Variants in CCDC80 observed in about 807,000 individuals in gnomAD.
CCDC80 encodes coiled-coil domain containing 80.
CCDC80 carries 49 observed loss-of-function variants against 78.7 expected under a neutral mutation model. That is an observed-to-expected ratio of 0.62 (90% confidence interval 0.50 to 0.79). The LOEUF (loss-of-function observed/expected upper bound fraction) is 0.79, where lower values mean the gene tolerates loss of function less well. Among genes scored for constraint, CCDC80 ranks in the 30% least tolerant of loss-of-function variants. The probability of loss-of-function intolerance (pLI) is 0.00; values close to 1 mark genes in which losing one functional copy is unlikely to be tolerated. For synonymous variants in CCDC80, 488 were observed against 447.0 expected (o/e 1.09, Z -1.16); for missense variants, 1,205 against 1,198.6 (o/e 1.01, Z -0.08).
chr3:112,619,227 C>T (rs977788189), intron 3 of CCDC80, 123 bp from the exon 4 acceptor site: 2 of 876,508 alleles, frequency 2.3e-6, no homozygotes, highest in East Asian at 3.2e-5. Flanking sequence ...ATTCAACTCA[C>T]GTTGTGTTTG....
intron 3 of CCDC80, among the ~76,000 whole-genome samples, chr3:112,627,252 C>A (rs1258258170): frequency 1.3e-5 from 2 of 152,152 alleles, no homozygotes; most frequent in Admixed American, 6.6e-5. Context: ...CCTAGACTGA[C>A]ATTTTAGATA....
rs142765055 is a variant in CCDC80, at chr3:112,638,067, G to A, written c.1839C>T (p.Ala613=). The change falls in exon 2 of 8, where the codon GCC becomes GCT. Residue 613 remains alanine (A), a synonymous_variant. Transcript: ENST00000206423. ...TGCCTTCAAAGGACCCCAGCAGGTC[G>A]GCCACTGACTTCTTGGGACTCTGCG... ...HFTQSPKKSV[A]DLLGSFEGKR... 2.8e-5 allele frequency: 45 copies of A among 1,609,416 alleles called. No homozygotes were observed. Among genetic ancestry groups the A allele is most frequent in the African/African-American group, 5.4e-5 (4 of 74,474 alleles).
chr3:112,605,736 A>ACGTCTTCT lies in CCDC80; in HGVS notation c.2526_2533dup (p.Val845GlufsTer9). On this transcript the variant is annotated frameshift_variant, in exon 8 of 8. Coordinates refer to ENST00000206423, the MANE Select transcript of CCDC80 (RefSeq NM_199511.3). LOFTEE classifies it high-confidence loss of function. Reference sequence around the variant, plus strand: ...AATGTCTTTCACCAAATGGGCTGGTACGTCTTCTCGCTCAACAACAGAGCT... The same window carrying ACGTCTTCT: ...AATGTCTTTCACCAAATGGGCTGGTACGTCTTCTCGTCTTCTCGCTCAACAACAGAGCT... The ACGTCTTCT allele has an allele frequency of 6.2e-7, 1 of 1,614,008 alleles. No homozygotes were observed. Among genetic ancestry groups the ACGTCTTCT allele is most frequent in the African/African-American group, 1.3e-5 (1 of 74,936 alleles).
intron 5 of CCDC80, among the ~76,000 whole-genome samples, chr3:112,615,358 T>C (rs1935712453): frequency 6.6e-6 from 1 of 152,150 alleles, no homozygotes; most frequent in Non-Finnish European, 1.5e-5. Flanking sequence ...TATTACATGC[T>C]TGCTTGGTTT....
Position 112,609,963 on chromosome 3 carries a change from T to A in CCDC80, c.2425+15A>T. 2 of 1,586,644 alleles carry A rather than the reference T, an allele frequency of 1.3e-6. No homozygotes were observed. The highest frequency in any genetic ancestry group is 2.2e-5 in the South Asian group (2 of 89,928). ...GTGGTATGGGAAAGCAGTAATGAGG[T>A]GGCTTCCCACTCACCAAAATTGCAC... On this transcript the variant is annotated intron_variant, in intron 6 of 7. Transcript: ENST00000206423.
At chr3:112,605,796 G>GAT (rs749294976) in intron 7 of CCDC80, 33 bp from the exon 8 acceptor site, 1 of 1,548,970 alleles carries the variant, frequency 6.5e-7, no homozygotes, top group South Asian at 1.2e-5. Flanking sequence ...ATTGTTAGTA[G>GAT]ATTAAACAGT....
chr3:112,605,434 G>A lies in CCDC80; in HGVS notation c.2836C>T (p.His946Tyr). 6.2e-7 allele frequency: 1 copy of A among 1,612,668 alleles called. No homozygotes were observed. The highest frequency in any genetic ancestry group is 8.5e-7 in the Non-Finnish European group (1 of 1,178,850). The change falls in exon 8 of 8, where the codon CAT (histidine) becomes TAT (tyrosine). Residue 946 changes from histidine (H) to tyrosine (Y), a missense_variant. Coordinates refer to ENST00000206423, the MANE Select transcript of CCDC80 (RefSeq NM_199511.3). ...DDYRHHESYH[H>Y]GYPY is the part of the protein sequence containing the mutation. Reference sequence around the variant, plus strand: ...ATTTCTGCTCAGTAAGGGTATCCATGGTGATAACTCTCATGATGACGGTAG... The same window carrying A: ...ATTTCTGCTCAGTAAGGGTATCCATAGTGATAACTCTCATGATGACGGTAG...
At chr3:112,622,758 T>C (rs371677941) in intron 3 of CCDC80, among the ~76,000 whole-genome samples, 8 of 151,724 alleles carry the variant, frequency 5.3e-5, no homozygotes, top group African/African-American at 1.9e-4. Context: ...GCGGTTCAAG[T>C]GATCCTTCCA....
At position 112,640,955 on chromosome 3, in the gene CCDC80, T is replaced by C. The variant is rs989371959; in HGVS notation, c.-640A>G. 6.6e-6 allele frequency: 1 copy of C among 152,202 alleles called. No individual in the cohort carries two copies. The highest frequency in any genetic ancestry group is 1.5e-5 in the Non-Finnish European group (1 of 68,052). 9.4% of individuals were successfully genotyped at this position (152,202 alleles called of 1,614,324 possible). The stretch of plus-strand genomic sequence containing the variant: ...CCTCCTCTTTTTCTTCTTCTTTTTC[T>C]TCTTTCTCTTGCCTGGATTCAGTCC... On this transcript the variant is annotated 5_prime_UTR_variant, in exon 1 of 8. Coordinates refer to ENST00000206423, the MANE Select transcript of CCDC80 (RefSeq NM_199511.3).
At chr3:112,608,271 G>A (rs539271052) in intron 6 of CCDC80, among the ~76,000 whole-genome samples, 9 of 152,212 alleles carry the variant, frequency 5.9e-5, no homozygotes, top group Admixed American at 1.3e-4. Flanking sequence ...GCTGTTTATT[G>A]TCCAGGAGAG....
intron 5 of CCDC80, among the ~76,000 whole-genome samples, chr3:112,610,940 A>T: frequency 7.8e-6 from 1 of 127,486 alleles, no homozygotes; most frequent in Middle Eastern, 5.2e-3. Context: ...TTTGAGACAG[A>T]GTCTCACTCT....
rs1053407168 is a variant in CCDC80, at chr3:112,640,526, T to G, written c.-211A>C. ...CCACAGCCTGTCCTGATCTGAGAGCTGAGCCGATGCCTTTTCTTTCTGGCT... is the reference window on the plus strand; with the variant it reads ...CCACAGCCTGTCCTGATCTGAGAGCGGAGCCGATGCCTTTTCTTTCTGGCT... On this transcript the variant is annotated 5_prime_UTR_variant, in exon 1 of 8. Coordinates refer to ENST00000206423, the MANE Select transcript of CCDC80 (RefSeq NM_199511.3). 2.6e-5 allele frequency: 4 copies of G among 153,258 alleles called. No homozygotes were observed. The highest frequency in any genetic ancestry group is 1.9e-4 in the Admixed American group (3 of 15,404). The allele number at this position is 153,258 out of a possible 1,614,324, so 9.5% of individuals were successfully genotyped here.
At position 112,638,840 on chromosome 3, in the gene CCDC80, C is replaced by T. The variant is rs765048944; in HGVS notation, c.1066G>A (p.Ala356Thr). 3 of 1,613,426 alleles carry T rather than the reference C, an allele frequency of 1.9e-6. No individual in the cohort carries two copies. The highest frequency in any genetic ancestry group is 1.1e-5 in the South Asian group (1 of 91,048). Residue 356 changes from alanine (A) to threonine (T), a missense_variant, in exon 2 of 8, where the codon GCC becomes ACC. Coordinates refer to ENST00000206423, the MANE Select transcript of CCDC80 (RefSeq NM_199511.3). Reference protein sequence around the residue: ...STPRATTLPPAPATTVTRSTS... With the variant: ...STPRATTLPPTPATTVTRSTS... ...GACCGAGTCACTGTTGTGGCTGGGG[C>T]AGGAGGAAGGGTGGTGGCTCTGGGG...
Position 112,622,822 on chromosome 3 carries a change from A to ATTTT in CCDC80, c.2036-3722_2036-3719dup, listed in dbSNP as rs373170477. On this transcript the variant is annotated intron_variant, in intron 3 of 7. Coordinates refer to ENST00000206423, the MANE Select transcript of CCDC80 (RefSeq NM_199511.3). ...AGGCATGCACCACCATGCCCAGCTA[A>ATTTT]TTTTTTTTTTTTTTTTTTTTTTTTT... Among the ~76,000 whole-genome samples the ATTTT allele has an allele frequency of 1.1e-3, 125 of 118,870 alleles. 1 individual carries two copies. The highest frequency in any genetic ancestry group is 3.4e-3 in the African/African-American group (97 of 28,920). The allele number at this position is 118,870 out of a possible 152,430, so 78.0% of individuals were successfully genotyped here. A position where few individuals can be genotyped will look rare whatever the true frequency, so the allele number is the denominator to read the frequency against.
rs1935330356 is a variant in CCDC80 at position 112,598,972 on chromosome 3, T to G, written c.*6445A>C. The G allele has an allele frequency of 6.6e-6, 1 of 152,208 alleles. No individual in the cohort carries two copies. Among genetic ancestry groups the G allele is most frequent in the Non-Finnish European group, 1.5e-5 (1 of 68,044 alleles). The allele number at this position is 152,208 out of a possible 1,614,324, so 9.4% of individuals were successfully genotyped here. On this transcript the variant is annotated 3_prime_UTR_variant, in exon 8 of 8. Transcript: ENST00000206423. ...AAAAATCTGGAACTGGGTTCTGAAC[T>G]GAGAAGTCTGGGTTCCCTGAGAATT...
In CCDC80 at chr3:112,601,688, A is replaced by AAAAG. The variant is rs1559872354; in HGVS notation, c.*3728_*3729insCTTT. ...AGTGAGACCCTCTCCAAAAAAAGAAAAAAAAAAAGAGAAAAAAAAGAAGCA... is the reference window on the plus strand; with the variant it reads ...AGTGAGACCCTCTCCAAAAAAAGAAAAAAGAAAAAAAAGAGAAAAAAAAGAAGCA... On this transcript the variant is annotated 3_prime_UTR_variant, in exon 8 of 8. Transcript: ENST00000206423. 1.8e-5 allele frequency: 1 copy of AAAAG among 56,702 alleles called. No individual in the cohort carries two copies. Among genetic ancestry groups the AAAAG allele is most frequent in the African/African-American group, 6.1e-5 (1 of 16,336 alleles). The allele number at this position is 56,702 out of a possible 1,614,324, so 3.5% of individuals were successfully genotyped here.
intron 3 of CCDC80, among the ~76,000 whole-genome samples, chr3:112,624,803 T>C (rs1234925131): frequency 6.6e-6 from 1 of 152,226 alleles, no homozygotes; most frequent in Non-Finnish European, 1.5e-5. Context: ...ATGGTTTACA[T>C]ATAAAGTTTG....
intron 2 of CCDC80, among the ~76,000 whole-genome samples, chr3:112,633,892 T>C (rs947598482): frequency 6.6e-6 from 1 of 152,194 alleles, no homozygotes. Context: ...TAAACACTAT[T>C]TTCTGTCACT....
Position 112,607,263 on chromosome 3 carries a change from G to GA in CCDC80, c.2426-8dup. ...ATGGTTATGTGGCGCAGACCTGAGA[G>GA]AAAAAAGAAAACCATAGGATTAGAG... On this transcript the variant is annotated splice_region_variant and splice_polypyrimidine_tract_variant and intron_variant, in intron 6 of 7. Coordinates refer to ENST00000206423, the MANE Select transcript of CCDC80 (RefSeq NM_199511.3). 6.2e-7 allele frequency: 1 copy of GA among 1,603,826 alleles called. No individual in the cohort carries two copies. Among genetic ancestry groups the GA allele is most frequent in the Non-Finnish European group, 8.5e-7 (1 of 1,176,182 alleles).
Sources: allele counts gnomAD v4.1 joint callset (sites outside exome capture counted in the v4.1 genomes callset), GRCh38; gene constraint gnomAD v4.1.1; transcripts MANE v1.5; gene names NCBI Gene and HGNC (gene_info 2026-07-23, HGNC 2026-07-21).